The following SCAF8 variants were observed in gnomAD, a reference collection of about 807,000 sequenced individuals.
SCAF8 encodes SR-related and CTD-associated factor 8.
SCAF8 carries 23 observed loss-of-function variants against 140.5 expected under a neutral mutation model. That is an observed-to-expected ratio of 0.16 (90% CI 0.12 to 0.23). SCAF8 has a LOEUF of 0.23. Among genes scored for constraint, SCAF8 ranks in the 10% least tolerant of loss-of-function variants. The probability of loss-of-function intolerance (pLI) is 1.00; values close to 1 mark genes in which losing one functional copy is unlikely to be tolerated. For missense variants in SCAF8, 1,397 were observed against 1,555.7 expected, an observed-to-expected ratio of 0.90 and a Z score of 1.72; for synonymous variants, 575 against 528.9, an observed-to-expected ratio of 1.09 and a Z score of -1.20.
intron 5 of SCAF8, 128 bp from the exon 6 acceptor site, chr6:154,794,881 C>T: frequency 1.4e-6 from 1 of 709,422 alleles, no homozygotes; most frequent in South Asian, 2.0e-5. Flanking sequence ...TCAAAGTGGA[C>T]ACAATAAAAT....
At chr6:154,827,897 G>A (rs903879049) in intron 18 of SCAF8, among the ~76,000 whole-genome samples, 1 of 151,604 alleles carries the variant, frequency 6.6e-6, no homozygotes, top group Non-Finnish European at 1.5e-5. Context: ...CAGCAAAATG[G>A]AGCCAAAAGT....
chr6:154,764,383 T>G (rs1020234523), intron 1 of SCAF8, among the ~76,000 whole-genome samples: 4 of 151,832 alleles, frequency 2.6e-5, no homozygotes, highest in African/African-American at 7.3e-5. Flanking sequence ...GACTGGTAGG[T>G]TATTTCAATC....
chr6:154,797,684 G>A (rs554484109), intron 6 of SCAF8, among the ~76,000 whole-genome samples: 1 of 151,416 alleles, frequency 6.6e-6, no homozygotes, highest in East Asian at 1.9e-4. Flanking sequence ...GTGAACCACC[G>A]TGCCCAGCCT....
At chr6:154,825,507 G>T (rs1203609315) in intron 17 of SCAF8, among the ~76,000 whole-genome samples, 1 of 151,466 alleles carries the variant, frequency 6.6e-6, no homozygotes, top group Non-Finnish European at 1.5e-5. Context: ...CACCCTGTCT[G>T]TACAAAAAAT....
chr6:154,760,915 C>G (rs935032431), intron 1 of SCAF8, among the ~76,000 whole-genome samples: 7 of 152,112 alleles, frequency 4.6e-5, no homozygotes, highest in African/African-American at 1.4e-4. Context: ...TCCCAGGTAG[C>G]TGGGACTACA....
At chr6:154,778,399 A>G (rs1776976307) in intron 3 of SCAF8, among the ~76,000 whole-genome samples, 1 of 152,208 alleles carries the variant, frequency 6.6e-6, no homozygotes, top group African/African-American at 2.4e-5. Context: ...AACTTTGAAT[A>G]AGTTAGTTAG....
At chr6:154,758,745 G>T (rs976342337) in intron 1 of SCAF8, among the ~76,000 whole-genome samples, 5 of 152,036 alleles carry the variant, frequency 3.3e-5, no homozygotes, top group Non-Finnish European at 5.9e-5. Context: ...TTCCTCTTCC[G>T]TTAGCCACAG....
chr6:154,828,316 A>G (rs533350925), intron 18 of SCAF8, among the ~76,000 whole-genome samples: 3 of 152,296 alleles, frequency 2.0e-5, no homozygotes, highest in Admixed American at 6.5e-5. Context: ...CAGCAAAGTC[A>G]GGGTAGATGC....
At position 154,743,448 on chromosome 6, in the gene SCAF8, C is replaced by G. The variant is rs558172481; in HGVS notation, c.30+9518C>G. 2.0e-5 allele frequency among the ~76,000 whole-genome samples: 3 copies of G among 152,258 alleles called. No individual in the cohort carries two copies. The East Asian group carries it at 5.8e-4, about 29-fold the overall frequency. On this transcript the variant is annotated intron_variant, in intron 1 of 19. Transcript: ENST00000367178. The stretch of plus-strand genomic sequence containing the variant: ...AAAAGCAACTATTCTTAAGTGGAGA[C>G]CAAACCTTATGAATTTAGAAGAATA...
At chr6:154,789,157 G>A (rs553483158) in intron 4 of SCAF8, among the ~76,000 whole-genome samples, 30 of 152,124 alleles carry the variant, frequency 2.0e-4, no homozygotes, top group Non-Finnish European at 3.8e-4. Context: ...CGCCCAGGCT[G>A]GAGTGCAATG....
In SCAF8 at chr6:154,733,938, T is replaced by A. The variant is rs755707190; in HGVS notation, c.30+8T>A. 22 of 1,530,530 alleles carry A rather than the reference T, an allele frequency of 1.4e-5. No individual in the cohort carries two copies. Among genetic ancestry groups the A allele is most frequent in the Non-Finnish European group, 1.9e-5 (22 of 1,145,496 alleles). 94.8% of individuals were successfully genotyped at this position (1,530,530 alleles called of 1,614,324 possible). ...AAGACCTTCAATAGCGAGGTTGGTA[T>A]GGCAGCCGGGTTCCCCTGCTCCTGC... On this transcript the variant is annotated splice_region_variant and intron_variant, in intron 1 of 19. Transcript: ENST00000367178.
Position 154,795,082 on chromosome 6 carries a change from A to G in SCAF8, c.549A>G (p.Thr183=). Residue 183 remains threonine, a synonymous_variant, in exon 6 of 20, where the codon ACA becomes ACG. Transcript: ENST00000367178. ...CTGATCCGTGGGTATCTCAGATAAC[A>G]AATACAGATACACTTGCGGCTGTAG... ...GLPDPWVSQI[T]NTDTLAAVAQ... is the part of the protein sequence containing the mutation. 6.2e-7 allele frequency: 1 copy of G among 1,613,872 alleles called. No homozygotes were observed. Among genetic ancestry groups the G allele is most frequent in the African/African-American group, 1.3e-5 (1 of 75,014 alleles).
At chr6:154,741,022 G>A (rs1308113019) in intron 1 of SCAF8, among the ~76,000 whole-genome samples, 1 of 152,180 alleles carries the variant, frequency 6.6e-6, no homozygotes, top group Non-Finnish European at 1.5e-5. Flanking sequence ...ACTTTGGGGA[G>A]GAGAGTTGGA....
At chr6:154,820,585 T>G (rs991190145) in intron 15 of SCAF8, among the ~76,000 whole-genome samples, 9 of 152,206 alleles carry the variant, frequency 5.9e-5, no homozygotes, top group African/African-American at 2.2e-4. Flanking sequence ...TTTTTCAATT[T>G]GATACTTGAG....
At chr6:154,820,490 G>A (rs375737875) in intron 15 of SCAF8, among the ~76,000 whole-genome samples, 157 bp downstream of exon 15, 1 of 152,120 alleles carries the variant, frequency 6.6e-6, no homozygotes, top group Non-Finnish European at 1.5e-5. Context: ...CATGCTTAAT[G>A]GGACCTATTT....
At position 154,777,468 on chromosome 6, in the gene SCAF8, T is replaced by C. The variant is rs150263521; in HGVS notation, c.115-533T>C. Among the ~76,000 whole-genome samples, 770 of 152,330 alleles carry C rather than the reference T, an allele frequency of 5.1e-3. 3 individuals carry two copies. Among genetic ancestry groups the C allele is most frequent in the African/African-American group, 0.017 (725 of 41,566 alleles). ...GTCTGATCCATTAGGATATTATACA[T>C]TTCTATGTTTTATTTTGTATTCTTG... On this transcript the variant is annotated intron_variant, in intron 2 of 19. Transcript: ENST00000367178.
Position 154,808,221 on chromosome 6 carries a change from TG to T in SCAF8, c.1113+23del. 1 of 1,607,700 alleles carries T rather than the reference TG, an allele frequency of 6.2e-7. No homozygotes were observed. Among genetic ancestry groups the T allele is most frequent in the Non-Finnish European group, 8.5e-7 (1 of 1,175,684 alleles). On this transcript the variant is annotated intron_variant, in intron 10 of 19. Transcript: ENST00000367178. ...CAACAGGTAAAAGTAAATGTTTTTC[TG>T]GGTCATAAATTTCTAAAAGTAGCTA...
intron 4 of SCAF8, among the ~76,000 whole-genome samples, chr6:154,788,494 C>G (rs1156424635): frequency 6.6e-6 from 1 of 152,112 alleles, no homozygotes; most frequent in Non-Finnish European, 1.5e-5. Flanking sequence ...ATCCATATTG[C>G]ATTTTGTTCT....
At chr6:154,790,449 A>C (rs1033255054) in intron 4 of SCAF8, among the ~76,000 whole-genome samples, 1 of 149,638 alleles carries the variant, frequency 6.7e-6, no homozygotes, top group Non-Finnish European at 1.5e-5. Flanking sequence ...TTATTCTGAA[A>C]ATTGCTATTT....
Sources: allele counts gnomAD v4.1 joint callset (sites outside exome capture counted in the v4.1 genomes callset), GRCh38; gene constraint gnomAD v4.1.1; transcripts MANE v1.5; gene names NCBI Gene and HGNC (gene_info 2026-07-23, HGNC 2026-07-21).